TFEC: variants seen among roughly 807,000 people sequenced by gnomAD.
TFEC encodes the protein class E basic helix-loop-helix protein 34.
In TFEC, 31 loss-of-function variants were observed where a neutral mutation model predicts 41.6. The ratio of observed to expected loss-of-function variants is 0.74; its 90% confidence interval spans 0.56 to 1.01. TFEC has a LOEUF of 1.01. Ranked by LOEUF, TFEC falls within the 50% of genes least tolerant of loss-of-function variation. The pLI is 0.00. For synonymous variants in TFEC, 143 were observed against 140.6 expected (o/e 1.02, Z -0.12); for missense variants, 402 against 404.1 (o/e 0.99, Z 0.04).
Position 116,008,854 on chromosome 7 carries a change from G to A in TFEC, c.-73+21779C>T, listed in dbSNP as rs948451173. Among the ~76,000 whole-genome samples, 10 of 152,178 alleles carry A rather than the reference G, an allele frequency of 6.6e-5. No homozygotes were observed. In the South Asian group the frequency reaches 8.3e-4, roughly 13 times the overall value. ...ATAACTGTCAGCATATTTCAGCTGC[G>A]TATTATATAATCCAAAGCTATTTAA... On this transcript the variant is annotated intron_variant, in intron 1 of 7. Coordinates refer to ENST00000265440, the MANE Select transcript of TFEC (RefSeq NM_012252.4).
At chr7:116,039,989 T>C (rs1221195662) in intron 3 of TFEC, among the ~76,000 whole-genome samples, 1 of 152,070 alleles carries the variant, frequency 6.6e-6, no homozygotes, top group African/African-American at 2.4e-5. Flanking sequence ...TAAGACAGGA[T>C]ATACTTTGCA....
At chr7:116,040,301 T>C (rs1023281471) in intron 3 of TFEC, among the ~76,000 whole-genome samples, 2 of 152,190 alleles carry the variant, frequency 1.3e-5, no homozygotes, top group Non-Finnish European at 2.9e-5. Context: ...TAGCTAACAC[T>C]TGTTCTTATT....
chr7:115,945,975 G>T (rs972230214), intron 6 of TFEC, among the ~76,000 whole-genome samples: 3 of 151,538 alleles, frequency 2.0e-5, no homozygotes, highest in African/African-American at 7.3e-5. Context: ...TTACTATCTG[G>T]CCCTATACAA....
chr7:116,110,363 G>T (rs1797824933), intron 3 of TFEC, among the ~76,000 whole-genome samples: 1 of 152,074 alleles, frequency 6.6e-6, no homozygotes, highest in Non-Finnish European at 1.5e-5. Flanking sequence ...ATAGCAAAAT[G>T]AGATGATATA....
In TFEC at chr7:115,938,416, G is replaced by C. The variant is rs764555887; in HGVS notation, c.*2135C>G. On this transcript the variant is annotated 3_prime_UTR_variant, in exon 8 of 8. Coordinates refer to ENST00000265440, the MANE Select transcript of TFEC (RefSeq NM_012252.4). ...TATAAAATTAAAAGTATGTAATATC[G>C]TCTTGAAAATTATTGAGAAGATGTA... 1 of 151,682 alleles carries C rather than the reference G, an allele frequency of 6.6e-6. No homozygotes were observed. The highest frequency in any genetic ancestry group is 1.5e-5 in the Non-Finnish European group (1 of 67,864). The allele number at this position is 151,682 out of a possible 1,614,324, so 9.4% of individuals were successfully genotyped here. A position where few individuals can be genotyped will look rare whatever the true frequency, so the allele number is the denominator to read the frequency against.
At chr7:116,142,271 C>T (rs971910882) in intron 1 of TFEC, among the ~76,000 whole-genome samples, 20 of 152,168 alleles carry the variant, frequency 1.3e-4, no homozygotes, top group Non-Finnish European at 2.2e-4. Flanking sequence ...CTATGACATA[C>T]GCTAGCCATA....
chr7:116,024,234 C>T (rs556292364), intron 1 of TFEC, among the ~76,000 whole-genome samples: 22 of 152,192 alleles, frequency 1.4e-4, no homozygotes, highest in East Asian at 5.8e-4. Flanking sequence ...TTAGCAAAAC[C>T]GTGATTTCTG....
At chr7:115,995,662 T>G (rs1010599452) in intron 1 of TFEC, among the ~76,000 whole-genome samples, 2 of 152,192 alleles carry the variant, frequency 1.3e-5, no homozygotes, top group Non-Finnish European at 2.9e-5. Flanking sequence ...TTGTTTTAAC[T>G]TCATATCACT....
At chr7:116,084,563 T>C (rs1005575662) in intron 3 of TFEC, among the ~76,000 whole-genome samples, 3 of 151,878 alleles carry the variant, frequency 2.0e-5, no homozygotes, top group Non-Finnish European at 2.9e-5. Context: ...TAGATTTTCA[T>C]AATTTATAGA....
chr7:116,060,918 G>GA (rs930814798), intron 3 of TFEC, among the ~76,000 whole-genome samples: 6 of 151,856 alleles, frequency 4.0e-5, no homozygotes, highest in Admixed American at 6.6e-5. Context: ...CAAAATATGT[G>GA]AAAAAATATT....
At chr7:116,158,797 C>T (rs1798919535) in intron 1 of TFEC, among the ~76,000 whole-genome samples, 1 of 152,022 alleles carries the variant, frequency 6.6e-6, no homozygotes, top group South Asian at 2.1e-4. Flanking sequence ...TAGTATTTCA[C>T]AAATCCTAAT....
At chr7:116,102,891 A>C (rs1260014570) in intron 3 of TFEC, among the ~76,000 whole-genome samples, 1 of 152,182 alleles carries the variant, frequency 6.6e-6, no homozygotes, top group Non-Finnish European at 1.5e-5. Flanking sequence ...ACATTTATCG[A>C]AGCAGTGTTA....
intron 2 of TFEC, among the ~76,000 whole-genome samples, chr7:115,981,177 T>C (rs1364161875): frequency 6.6e-6 from 1 of 152,018 alleles, no homozygotes; most frequent in Non-Finnish European, 1.5e-5. Context: ...CCAAATTGTA[T>C]CACTCTCAAA....
intron 2 of TFEC, among the ~76,000 whole-genome samples, chr7:115,981,519 T>C (rs1317792795): frequency 6.6e-6 from 1 of 152,160 alleles, no homozygotes; most frequent in Non-Finnish European, 1.5e-5. Flanking sequence ...GATTATTAAT[T>C]GGCAGAAATT....
chr7:115,954,994 A>G (rs12706062), intron 4 of TFEC, among the ~76,000 whole-genome samples: 20,821 of 152,126 alleles, frequency 0.14, 1,920 homozygotes, highest in Non-Finnish European at 0.21. Context: ...GAAATATAGT[A>G]TACAGAAAAT....
intron 3 of TFEC, among the ~76,000 whole-genome samples, chr7:116,092,534 T>A (rs1797352631): frequency 6.6e-6 from 1 of 152,212 alleles, no homozygotes; most frequent in Admixed American, 6.5e-5. Context: ...TGTTCCATTA[T>A]GATGACATTT....
At chr7:116,034,980 C>T (rs1244485117), upstream of TFEC, among the ~76,000 whole-genome samples, 1 of 151,572 alleles carries the variant, frequency 6.6e-6, no homozygotes, top group Non-Finnish European at 1.5e-5. Context: ...TTCTCCTTAC[C>T]CTACTCTGCT....
intron 6 of TFEC, among the ~76,000 whole-genome samples, chr7:115,942,246 C>G (rs925397163): frequency 6.6e-6 from 1 of 151,786 alleles, no homozygotes; most frequent in Non-Finnish European, 1.5e-5. Context: ...AAATAAGTGT[C>G]AAAAGAAAGT....
At chr7:116,128,411 T>C (rs1004451413) in intron 1 of TFEC, among the ~76,000 whole-genome samples, 2 of 152,072 alleles carry the variant, frequency 1.3e-5, no homozygotes, top group Admixed American at 6.6e-5. Context: ...CTTCTACACA[T>C]ACAATAACTA....
Sources: gnomAD v4.1 joint callset for allele counts (sites outside exome capture counted in the v4.1 genomes callset) on GRCh38, gnomAD v4.1.1 for gene constraint, MANE v1.5 for transcripts, NCBI Gene and HGNC (gene_info 2026-07-23, HGNC 2026-07-21) for gene names.